GGTA1: variants seen among roughly 807,000 people sequenced by gnomAD.
The protein encoded by GGTA1 is glycoprotein alpha-galactosyltransferase 1 (inactive), also known as inactive N-acetyllactosaminide alpha-1,3-galactosyltransferase.
A neutral mutation model predicts 2.6 loss-of-function variants in GGTA1; 5 were observed. The observed-to-expected ratio is 1.92, with a 90% CI of 1.00 to 4.04. The LOEUF (loss-of-function observed/expected upper bound fraction) is 4.04, where lower values mean the gene tolerates loss of function less well. GGTA1 is among the 30% of genes most tolerant of loss of function. The pLI, the probability that GGTA1 is intolerant of heterozygous loss-of-function variation, is 0.00. For missense variants in GGTA1, 50 were observed against 16.7 expected (o/e 2.99, Z -3.47); for synonymous variants, 17 against 5.0 (o/e 3.38, Z -3.19).
chr9:121,471,347 A>G (rs1324814343), intron 1 of GGTA1, among the ~76,000 whole-genome samples: 6 of 152,092 alleles, frequency 3.9e-5, no homozygotes, highest in African/African-American at 1.4e-4. Context: ...TGAGTGCAGG[A>G]GGTGTGTTTT....
intron 1 of GGTA1, among the ~76,000 whole-genome samples, chr9:121,486,935 A>C (rs565508673): frequency 3.0e-4 from 45 of 152,200 alleles, no homozygotes; most frequent in African/African-American, 1.1e-3. Flanking sequence ...AGGTACCCCT[A>C]TTTGCTCTTC....
chr9:121,478,458 G>T (rs1828562255), intron 1 of GGTA1, among the ~76,000 whole-genome samples: 1 of 152,222 alleles, frequency 6.6e-6, no homozygotes, highest in East Asian at 1.9e-4. Flanking sequence ...CTTGGTGCCA[G>T]ATTTAAAATG....
intron 1 of GGTA1, among the ~76,000 whole-genome samples, chr9:121,485,830 C>T (rs1214764382): frequency 6.6e-6 from 1 of 152,174 alleles, no homozygotes; most frequent in Non-Finnish European, 1.5e-5. Context: ...CACATACACC[C>T]ACTTCCTCAG....
intron 1 of GGTA1, among the ~76,000 whole-genome samples, chr9:121,495,303 T>TG (rs1828968722): frequency 6.6e-6 from 1 of 151,166 alleles, no homozygotes. Flanking sequence ...CCCAGCACTT[T>TG]GGGAGGCTGA....
chr9:121,496,416 C>T (rs1054084586), intron 1 of GGTA1, among the ~76,000 whole-genome samples: 4 of 152,006 alleles, frequency 2.6e-5, no homozygotes, highest in Admixed American at 2.0e-4. Context: ...TCTCCAAAAA[C>T]TCTTAAAATT....
intron 2 of GGTA1, among the ~76,000 whole-genome samples, chr9:121,464,359 C>T (rs1161661270): frequency 1.9e-5 from 2 of 106,698 alleles, no homozygotes; most frequent in Non-Finnish European, 3.4e-5. Context: ...TGGAGTCTTG[C>T]TCTGTTGCCC....
chr9:121,468,017 C>T, intron 1 of GGTA1, 86 bp from the exon 2 acceptor site: 1 of 410,578 alleles, frequency 2.4e-6, no homozygotes, highest in Admixed American at 3.0e-5. Context: ...TGCTTTTACC[C>T]CGTTCTTTTT....
chr9:121,488,691 T>C (rs915333469), intron 1 of GGTA1, among the ~76,000 whole-genome samples: 1 of 152,046 alleles, frequency 6.6e-6, no homozygotes, highest in Non-Finnish European at 1.5e-5. Context: ...CATTCCAGCC[T>C]GGGCAACAAG....
At chr9:121,451,136 C>CA (rs990326244), downstream of GGTA1, among the ~76,000 whole-genome samples, 2 of 151,928 alleles carry the variant, frequency 1.3e-5, no homozygotes, top group African/African-American at 2.4e-5. Context: ...GAAAATTCTC[C>CA]AAAAAAAGCA....
intron 1 of GGTA1, among the ~76,000 whole-genome samples, chr9:121,491,640 A>G (rs1411466086): frequency 6.7e-6 from 1 of 150,374 alleles, no homozygotes; most frequent in Non-Finnish European, 1.5e-5. Flanking sequence ...GATGGCGTCT[A>G]GCTCTGTCAC....
At chr9:121,449,473 T>C (rs905646568) in intron 7 of GGTA1, among the ~76,000 whole-genome samples, 2 of 152,244 alleles carry the variant, frequency 1.3e-5, no homozygotes, top group Admixed American at 6.5e-5. Flanking sequence ...TTGTCAGTGT[T>C]TTGAATTTTG....
At chr9:121,463,081 A>G (rs906925967) in intron 3 of GGTA1, 2 of 293,932 alleles carry the variant, frequency 6.8e-6, no homozygotes, top group African/African-American at 4.6e-5. Context: ...AACTTTGAGG[A>G]GAACTGAGGG....
intron 1 of GGTA1, among the ~76,000 whole-genome samples, chr9:121,485,334 G>A (rs1053159099): frequency 2.6e-5 from 4 of 152,038 alleles, no homozygotes; most frequent in Non-Finnish European, 5.9e-5. Context: ...ACAATCCCCC[G>A]AGAGTCCCCC....
intron 1 of GGTA1, among the ~76,000 whole-genome samples, chr9:121,495,411 G>A (rs1828971470): frequency 6.6e-6 from 1 of 152,128 alleles, no homozygotes; most frequent in African/African-American, 2.4e-5. Context: ...GCTGGGCGTG[G>A]TGGTGGATGC....
At chr9:121,461,064 G>A (rs555800961) in intron 4 of GGTA1, among the ~76,000 whole-genome samples, 188 bp downstream of exon 4, 1 of 152,306 alleles carries the variant, frequency 6.6e-6, no homozygotes, top group Non-Finnish European at 1.5e-5. Context: ...GTGACAGTGA[G>A]ACCCTGTCTC....
At chr9:121,467,805 A>G in intron 2 of GGTA1, 38 bp downstream of exon 2, 2 of 452,162 alleles carry the variant, frequency 4.4e-6, no homozygotes, top group Middle Eastern at 6.5e-4. Context: ...TCAAAGCAGT[A>G]TTTTCATCCA....
At chr9:121,477,657 G>A (rs1198996296) in intron 1 of GGTA1, among the ~76,000 whole-genome samples, 2 of 134,222 alleles carry the variant, frequency 1.5e-5, no homozygotes, top group East Asian at 4.6e-4. Flanking sequence ...CTCACTGCAA[G>A]CTCCGCCTCC....
rs75541041 is a variant in GGTA1 at position 121,467,019 on chromosome 9, T to C, written c.80+824A>G. Among the ~76,000 whole-genome samples the C allele has an allele frequency of 7.8e-3, 1,182 of 151,832 alleles. 14 individuals carry two copies. The highest frequency in any genetic ancestry group is 0.026 in the African/African-American group (1,095 of 41,392). On this transcript the variant is annotated intron_variant, in intron 2 of 5. Transcript: ENST00000481799. ...GTTAATCCAGGCTACCATCTTGAAC[T>C]TGGGGGCCACTGAAACACTCCGCTA... is the stretch of plus-strand genomic sequence containing the variant.
chr9:121,452,007 C>A (rs570729821), downstream of GGTA1: 6 of 152,410 alleles, frequency 3.9e-5, no homozygotes, highest in African/African-American at 1.4e-4. Flanking sequence ...GGAGACTGAA[C>A]CAGTTCCATG....
Sources: gnomAD v4.1 joint callset for allele counts (sites outside exome capture counted in the v4.1 genomes callset) on GRCh38, gnomAD v4.1.1 for gene constraint, MANE v1.5 for transcripts, NCBI Gene and HGNC (gene_info 2026-07-23, HGNC 2026-07-21) for gene names.